CNOT6L: variants seen among roughly 807,000 people sequenced by gnomAD.
CNOT6L encodes CCR4-NOT transcription complex subunit 6 like, also known as CCR4-NOT transcription complex subunit 6-like.
Under a neutral mutation model 64.0 loss-of-function variants are expected in CNOT6L, and 7 were observed. The observed-to-expected ratio is 0.11, with a 90% confidence interval of 0.06 to 0.21. The LOEUF (loss-of-function observed/expected upper bound fraction) is 0.21, where lower values mean the gene tolerates loss of function less well. Ranked by LOEUF, CNOT6L falls within the 10% of genes least tolerant of loss-of-function variation. The probability of loss-of-function intolerance (pLI) is 1.00; values close to 1 mark genes in which losing one functional copy is unlikely to be tolerated. For synonymous variants in CNOT6L, 193 were observed against 243.4 expected, an observed-to-expected ratio of 0.79 and a Z score of 1.93; for missense variants, 245 against 669.0, an observed-to-expected ratio of 0.37 and a Z score of 6.99.
intron 4 of CNOT6L, among the ~76,000 whole-genome samples, chr4:77,764,941 T>C (rs761124060): frequency 7.9e-4 from 120 of 152,184 alleles, no homozygotes; most frequent in Non-Finnish European, 1.4e-3. Context: ...AACTCTATCT[T>C]GAGTAGGGGC....
chr4:77,789,408 A>C (rs72652527), intron 1 of CNOT6L, among the ~76,000 whole-genome samples: 7,086 of 152,182 alleles, frequency 0.047, 438 homozygotes, highest in East Asian at 0.17. Context: ...GGGAAAAAAA[A>C]GTCAGTCTTT....
chr4:77,813,334 AT>A (rs1578014252), intron 1 of CNOT6L, among the ~76,000 whole-genome samples: 1 of 152,148 alleles, frequency 6.6e-6, no homozygotes, highest in Admixed American at 6.6e-5. Context: ...AAATAGATAT[AT>A]TAGATAGATT....
intron 6 of CNOT6L, among the ~76,000 whole-genome samples, chr4:77,745,474 T>A: frequency 6.6e-6 from 1 of 152,002 alleles, no homozygotes; most frequent in African/African-American, 2.4e-5. Flanking sequence ...TACTCAAAAC[T>A]GTGCTGTGAA....
upstream of CNOT6L, among the ~76,000 whole-genome samples, chr4:77,820,138 G>C (rs1476911149): frequency 1.3e-5 from 2 of 152,150 alleles, no homozygotes; most frequent in Non-Finnish European, 2.9e-5. Flanking sequence ...CTTCGCTCCC[G>C]CTCACACACG....
intron 8 of CNOT6L, among the ~76,000 whole-genome samples, chr4:77,732,902 T>C (rs913644030): frequency 1.3e-5 from 2 of 152,074 alleles, no homozygotes; most frequent in African/African-American, 4.8e-5. Flanking sequence ...TAAGATCACT[T>C]AGCTGCTCAA....
intron 4 of CNOT6L, among the ~76,000 whole-genome samples, chr4:77,772,240 T>C (rs984846712): frequency 1.3e-5 from 2 of 152,262 alleles, no homozygotes; most frequent in East Asian, 1.9e-4. Flanking sequence ...AGTAATCCCT[T>C]TTTTTTCTTG....
Position 77,720,452 on chromosome 4 carries a change from A to G in CNOT6L, c.1647T>C (p.Val549=). 1 of 1,613,488 alleles carries G rather than the reference A, an allele frequency of 6.2e-7. No individual in the cohort carries two copies. Reference sequence around the variant, plus strand: ...TCCACTACCTCCGATTAGGCAAGTGAACACCATTGACAAGAGGCAGGAGTG... The same window carrying G: ...TCCACTACCTCCGATTAGGCAAGTGGACACCATTGACAAGAGGCAGGAGTG... ...HPPLLPLVNG[V]HLPNRR The change falls in exon 12 of 12, where the codon GTT becomes GTC. Residue 549 remains valine (V), a synonymous_variant. Transcript: ENST00000504123.
chr4:77,728,752 T>C, intron 10 of CNOT6L, 102 bp downstream of exon 10: 2 of 842,952 alleles, frequency 2.4e-6, no homozygotes, highest in Non-Finnish European at 4.0e-6. Context: ...ATTCTTATGA[T>C]ACATTCCTTA....
intron 11 of CNOT6L, among the ~76,000 whole-genome samples, chr4:77,722,987 AAT>A (rs61637064): frequency 0.79 from 119,210 of 151,788 alleles, 47,656 homozygotes; most frequent in Non-Finnish European, 0.86. Context: ...CGAAAATATT[AAT>A]AGTCTGTTAC....
At chr4:77,815,069 G>T (rs1299271450) in intron 1 of CNOT6L, among the ~76,000 whole-genome samples, 1 of 152,160 alleles carries the variant, frequency 6.6e-6, no homozygotes, top group Non-Finnish European at 1.5e-5. Flanking sequence ...ACAAACAAGA[G>T]AATATGGTAA....
intron 7 of CNOT6L, 181 bp from the exon 8 acceptor site, chr4:77,742,476 T>C (rs1395835209): frequency 8.8e-6 from 6 of 681,336 alleles, no homozygotes; most frequent in Admixed American, 6.4e-5. Context: ...TTTTTAAACA[T>C]GAAAGAACCA....
chr4:77,740,540 T>A (rs1327436761), intron 8 of CNOT6L, among the ~76,000 whole-genome samples: 1 of 152,222 alleles, frequency 6.6e-6, no homozygotes, highest in Non-Finnish European at 1.5e-5. Flanking sequence ...CTGGAACTAG[T>A]TATTGAACTT....
In CNOT6L at chr4:77,726,149, C is replaced by T. The variant is rs1357541616; in HGVS notation, c.1455+18G>A. The T allele has an allele frequency of 6.2e-7, 1 of 1,608,918 alleles. No individual in the cohort carries two copies. Among genetic ancestry groups the T allele is most frequent in the East Asian group, 2.2e-5 (1 of 44,846 alleles). ...TATCTGAAATAATTTCTACACCTGC[C>T]CAAAGGCTGCCACTCACTTTGAAAT... On this transcript the variant is annotated intron_variant, in intron 11 of 11. Transcript: ENST00000504123.
chr4:77,766,015 T>G (rs148121643), intron 4 of CNOT6L, among the ~76,000 whole-genome samples: 1 of 152,204 alleles, frequency 6.6e-6, no homozygotes, highest in African/African-American at 2.4e-5. Flanking sequence ...CCCAGGAATC[T>G]TATGTCTTCT....
Position 77,776,395 on chromosome 4 carries a change from GT to G in CNOT6L, c.6-4del. The G allele has an allele frequency of 1.5e-6, 2 of 1,357,564 alleles. No individual in the cohort carries two copies. The highest frequency in any genetic ancestry group is 1.3e-5 in the South Asian group (1 of 74,712). 84.1% of individuals were successfully genotyped at this position (1,357,564 alleles called of 1,614,324 possible). On this transcript the variant is annotated splice_region_variant and splice_polypyrimidine_tract_variant and intron_variant, in intron 1 of 11. Coordinates refer to ENST00000504123, the MANE Select transcript of CNOT6L (RefSeq NM_144571.3). ...TTTCCTTTGGCATCCCTATTAGTCT[GT>G]TTAAAAAAAAAAAGGAGGAGATCAA...
rs193078791 is a variant in CNOT6L, at chr4:77,715,292, G to C, written c.*5139C>G. On this transcript the variant is annotated 3_prime_UTR_variant, in exon 12 of 12. Coordinates refer to ENST00000504123, the MANE Select transcript of CNOT6L (RefSeq NM_144571.3). ...GTATATCCTTTCCATAATGTGATTT[G>C]TTTCTGATGACATACTTCTAAAATG... 2 of 152,084 alleles carry C rather than the reference G, an allele frequency of 1.3e-5. No homozygotes were observed. The highest frequency in any genetic ancestry group is 4.8e-5 in the African/African-American group (2 of 41,506). The allele number at this position is 152,084 out of a possible 1,614,324, so 9.4% of individuals were successfully genotyped here.
chr4:77,818,805 C>T (rs994494304), intron 1 of CNOT6L, among the ~76,000 whole-genome samples: 1 of 151,842 alleles, frequency 6.6e-6, no homozygotes, highest in African/African-American at 2.4e-5. Flanking sequence ...GGCGGGCGCC[C>T]AGGCAGTTAG....
chr4:77,803,828 G>A (rs578063868), intron 1 of CNOT6L, among the ~76,000 whole-genome samples: 10 of 152,046 alleles, frequency 6.6e-5, no homozygotes, highest in African/African-American at 2.2e-4. Flanking sequence ...GCTTGAACCC[G>A]GGAGGCCAAG....
At chr4:77,805,460 T>C (rs527289581) in intron 1 of CNOT6L, among the ~76,000 whole-genome samples, 1 of 152,106 alleles carries the variant, frequency 6.6e-6, no homozygotes, top group Non-Finnish European at 1.5e-5. Context: ...TTCACTAATC[T>C]CTAAAATTTT....
Sources: gnomAD v4.1 joint callset for allele counts (sites outside exome capture counted in the v4.1 genomes callset) on GRCh38, gnomAD v4.1.1 for gene constraint, MANE v1.5 for transcripts, NCBI Gene and HGNC (gene_info 2026-07-23, HGNC 2026-07-21) for gene names.